The following OR8U3 variants were observed in gnomAD, a reference collection of about 807,000 sequenced individuals.
OR8U3 encodes olfactory receptor 8U3.
For synonymous variants in OR8U3, 170 were observed against 147.0 expected (o/e 1.16, Z -1.13); for missense variants, 429 against 388.6 (o/e 1.10, Z -0.88).
In OR8U3 at chr11:56,418,161, C is replaced by A. The variant is rs569866285; in HGVS notation, c.72G>T (p.Gln24His). ...CTAAAAACACCCCAAAGCACGGGGC[C>A]TGAAGCTCTGGCCGGTTGGTAATTC... is the stretch of plus-strand genomic sequence containing the variant. ...LKGITNRPEL[Q>H]APCFGVFLVI... Residue 24 changes from glutamine (Q) to histidine (H), a missense_variant, in exon 1 of 1, where the codon CAG (glutamine) becomes CAT (histidine). Coordinates refer to ENST00000623286, the MANE Select transcript of OR8U3 (RefSeq NM_001004744.1). 6.2e-7 allele frequency: 1 copy of A among 1,613,530 alleles called. No individual in the cohort carries two copies. Among genetic ancestry groups the A allele is most frequent in the Non-Finnish European group, 8.5e-7 (1 of 1,179,746 alleles).
chr11:56,418,178 T>A lies in OR8U3; in HGVS notation c.55A>T (p.Asn19Tyr). 1 of 1,612,014 alleles carries A rather than the reference T, an allele frequency of 6.2e-7. No homozygotes were observed. The highest frequency in any genetic ancestry group is 8.5e-7 in the Non-Finnish European group (1 of 1,179,050). Residue 19 changes from asparagine (N) to tyrosine (Y), a missense_variant, in exon 1 of 1, where the codon AAC becomes TAC. Transcript: ENST00000623286. The part of the protein sequence containing the change: ...VTVFILKGIT[N>Y]RPELQAPCFG... ...CACGGGGCCTGAAGCTCTGGCCGGT[T>A]GGTAATTCCTTTCAGAATGAATACA...
Position 56,417,906 on chromosome 11 carries a change from G to A in OR8U3, c.327C>T (p.Ile109=). 1 of 1,613,800 alleles carries A rather than the reference G, an allele frequency of 6.2e-7. No individual in the cohort carries two copies. The highest frequency in any genetic ancestry group is 8.5e-7 in the Non-Finnish European group (1 of 1,179,834). The part of the protein sequence containing the change: ...TQLGCFLTFM[I]TECFLLASMA... Reference sequence around the variant, plus strand: ...TGGAGGCTAGAAGGAAACACTCAGTGATCATGAAGGTGAGAAAACAACCCA... The same window carrying A: ...TGGAGGCTAGAAGGAAACACTCAGTAATCATGAAGGTGAGAAAACAACCCA... The change falls in exon 1 of 1, where the codon ATC becomes ATT. Residue 109 remains isoleucine (I), a synonymous_variant. Coordinates refer to ENST00000623286, the MANE Select transcript of OR8U3 (RefSeq NM_001004744.1).
Position 56,417,978 on chromosome 11 carries a change from A to G in OR8U3, c.255T>C (p.Phe85=). 6.2e-7 allele frequency: 1 copy of G among 1,613,876 alleles called. No homozygotes were observed. Among genetic ancestry groups the G allele is most frequent in the Non-Finnish European group, 8.5e-7 (1 of 1,179,892 alleles). ...SAITPKMMVN[F]VVERNTIPFH... ...AAGGAATGGTGTTGCGTTCCACAAC[A>G]AAATTCACCATCATCTTCGGTGTAA... Residue 85 remains phenylalanine, a synonymous_variant, in exon 1 of 1, where the codon TTT becomes TTC. Coordinates refer to ENST00000623286, the MANE Select transcript of OR8U3 (RefSeq NM_001004744.1).
Position 56,417,477 on chromosome 11 carries a change from A to G in OR8U3, c.756T>C (p.Tyr252=), listed in dbSNP as rs1590882162. 3.1e-6 allele frequency: 5 copies of G among 1,613,980 alleles called. No homozygotes were observed. The highest frequency in any genetic ancestry group is 2.2e-5 in the South Asian group (2 of 91,076). ...GSHMVTVTIF[Y]GTLIFMYLQP... ...GTAGGTACATAAAGATCAGTGTGCC[A>G]TAGAAAATAGTGACAGTCACCATAT... The change falls in exon 1 of 1, where the codon TAT becomes TAC. Residue 252 remains tyrosine (Y), a synonymous_variant. Transcript: ENST00000623286.
chr11:56,417,406 A>G lies in OR8U3; in HGVS notation c.827T>C (p.Val276Ala), dbSNP rs772070153. 4.3e-6 allele frequency: 7 copies of G among 1,613,574 alleles called. No homozygotes were observed. The highest frequency in any genetic ancestry group is 3.3e-5 in the Admixed American group (2 of 60,012). The change falls in exon 1 of 1, where the codon GTA becomes GCA. Residue 276 changes from valine (V) to alanine (A), a missense_variant. Val to Ala is a moderately conservative substitution (Grantham distance 64, BLOSUM62 0). Coordinates refer to ENST00000623286, the MANE Select transcript of OR8U3 (RefSeq NM_001004744.1). ...CATGGGGATCACCACTGTGTAAAATACAGAAGCCATCTTGTCTGTGTCCAA... is the reference window on the plus strand; with the variant it reads ...CATGGGGATCACCACTGTGTAAAATGCAGAAGCCATCTTGTCTGTGTCCAA... ...HSLDTDKMAS[V>A]FYTVVIPMLN...
chr11:56,418,115 G>C lies in OR8U3; in HGVS notation c.118C>G (p.Leu40Val), dbSNP rs1375331808. ...AAAGTAATCAACCCAAGATTGCCCA[G>C]CACTGTGACCAGATAGATAACTAAA... ...VFLVIYLVTV[L>V]GNLGLITLIK... The change falls in exon 1 of 1, where the codon CTG (leucine) becomes GTG (valine). Residue 40 changes from leucine to valine, a missense_variant. Leu to Val is a conservative substitution (Grantham distance 32). Coordinates refer to ENST00000623286, the MANE Select transcript of OR8U3 (RefSeq NM_001004744.1). The C allele has an allele frequency of 8.7e-6, 14 of 1,613,762 alleles. No homozygotes were observed. The highest frequency in any genetic ancestry group is 1.1e-5 in the Non-Finnish European group (13 of 1,179,898).
Position 56,418,033 on chromosome 11 carries a change from G to T in OR8U3, c.200C>A (p.Ala67Asp). 3 of 1,613,754 alleles carry T rather than the reference G, an allele frequency of 1.9e-6. No homozygotes were observed. Among genetic ancestry groups the T allele is most frequent in the Admixed American group, 1.7e-5 (1 of 59,928 alleles). Residue 67 changes from alanine (A) to aspartate (D), a missense_variant, in exon 1 of 1, where the codon GCC (alanine) becomes GAC (aspartate). Ala to Asp is a moderately radical substitution (Grantham distance 126, BLOSUM62 -2). Transcript: ENST00000623286. ...AGAGGAGTAACAAAGGTCAACAAAG[G>T]CCAGGTGGCTGAGGAAATAGTACAT... Reference protein sequence around the residue: ...TPMYYFLSHLAFVDLCYSSAI... With the variant: ...TPMYYFLSHLDFVDLCYSSAI...
chr11:56,417,387 G>A lies in OR8U3; in HGVS notation c.846C>T (p.Ile282=). The change falls in exon 1 of 1, where the codon ATC becomes ATT. Residue 282 remains isoleucine, a synonymous_variant. Transcript: ENST00000623286. ...KMASVFYTVV[I]PMLNPLIYSL... is the part of the protein sequence containing the mutation. ...TATAGATTAGGGGGTTTAACATGGG[G>A]ATCACCACTGTGTAAAATACAGAAG... is the stretch of plus-strand genomic sequence containing the variant. 6.2e-7 allele frequency: 1 copy of A among 1,613,074 alleles called. No homozygotes were observed. The highest frequency in any genetic ancestry group is 8.5e-7 in the Non-Finnish European group (1 of 1,179,148).
Position 56,417,790 on chromosome 11 carries a change from G to A in OR8U3, c.443C>T (p.Pro148Leu). Residue 148 changes from proline (P) to leucine (L), a missense_variant, in exon 1 of 1, where the codon CCA (proline) becomes CTA (leucine). Transcript: ENST00000623286. ...RRVCIQLVAVPYIYSFLVALF... is the reference protein window; with the variant it reads ...RRVCIQLVAVLYIYSFLVALF... ...GGCAACCAGGAAGCTGTATATATATGGAACTGCCACCAGTTGAATGCAGAC... is the reference window on the plus strand; with the variant it reads ...GGCAACCAGGAAGCTGTATATATATAGAACTGCCACCAGTTGAATGCAGAC... 1.2e-6 allele frequency: 2 copies of A among 1,613,876 alleles called. No homozygotes were observed. The highest frequency in any genetic ancestry group is 1.7e-6 in the Non-Finnish European group (2 of 1,179,874).
Position 56,417,612 on chromosome 11 carries a change from C to A in OR8U3, c.621G>T (p.Met207Ile), listed in dbSNP as rs376467735. ...TGAGGACAATGGAAGAGGAAGAGATCATATCAAAGCCAGCAAAGGCAAATA... is the reference window on the plus strand; with the variant it reads ...TGAGGACAATGGAAGAGGAAGAGATAATATCAAAGCCAGCAAAGGCAAATA... ...ILIFAFAGFD[M>I]ISSSSIVLTS... Residue 207 changes from methionine (M) to isoleucine (I), a missense_variant, in exon 1 of 1, where the codon ATG becomes ATT. Coordinates refer to ENST00000623286, the MANE Select transcript of OR8U3 (RefSeq NM_001004744.1). The A allele has an allele frequency of 1.4e-5, 22 of 1,613,820 alleles. No individual in the cohort carries two copies. The highest frequency in any genetic ancestry group is 1.9e-5 in the Non-Finnish European group (22 of 1,179,938).
rs1294786936 is a variant in OR8U3 at position 56,418,046 on chromosome 11, G to C, written c.187C>G (p.Leu63Val). Residue 63 changes from leucine to valine, a missense_variant, in exon 1 of 1, where the codon CTC (leucine) becomes GTC (valine). Leu to Val is a conservative substitution (Grantham distance 32). Transcript: ENST00000623286. ...AGGTCAACAAAGGCCAGGTGGCTGAGGAAATAGTACATAGGTGTGTGGAGT... is the reference window on the plus strand; with the variant it reads ...AGGTCAACAAAGGCCAGGTGGCTGACGAAATAGTACATAGGTGTGTGGAGT... The part of the protein sequence containing the change: ...TRLHTPMYYF[L>V]SHLAFVDLCY... 6 of 1,613,724 alleles carry C rather than the reference G, an allele frequency of 3.7e-6. No individual in the cohort carries two copies. The highest frequency in any genetic ancestry group is 4.2e-6 in the Non-Finnish European group (5 of 1,179,866).
Position 56,417,610 on chromosome 11 carries a change from A to T in OR8U3, c.623T>A (p.Ile208Asn), listed in dbSNP as rs1487377654. Residue 208 changes from isoleucine (I) to asparagine (N), a missense_variant, in exon 1 of 1, where the codon ATC (isoleucine) becomes AAC (asparagine). Physicochemically the swap from Ile to Asn is moderately radical, Grantham distance 149 (BLOSUM62 -3). Transcript: ENST00000623286. ...LIFAFAGFDM[I>N]SSSSIVLTSY... Reference sequence around the variant, plus strand: ...GGTGAGGACAATGGAAGAGGAAGAGATCATATCAAAGCCAGCAAAGGCAAA... The same window carrying T: ...GGTGAGGACAATGGAAGAGGAAGAGTTCATATCAAAGCCAGCAAAGGCAAA... 1.9e-6 allele frequency: 3 copies of T among 1,613,908 alleles called. No homozygotes were observed. The highest frequency in any genetic ancestry group is 2.5e-6 in the Non-Finnish European group (3 of 1,179,968).
rs778472262 is a variant in OR8U3 at position 56,417,914 on chromosome 11, A to G, written c.319T>C (p.Phe107Leu). 1 of 1,613,880 alleles carries G rather than the reference A, an allele frequency of 6.2e-7. No individual in the cohort carries two copies. Among genetic ancestry groups the G allele is most frequent in the South Asian group, 1.1e-5 (1 of 91,076 alleles). ...CATQLGCFLT[F>L]MITECFLLAS... ...AGAAGGAAACACTCAGTGATCATGA[A>G]GGTGAGAAAACAACCCAGTTGGGTT... is the stretch of plus-strand genomic sequence containing the variant. The change falls in exon 1 of 1, where the codon TTC becomes CTC. Residue 107 changes from phenylalanine (F) to leucine (L), a missense_variant. Physicochemically the swap from Phe to Leu is conservative, Grantham distance 22. Transcript: ENST00000623286.
chr11:56,417,660 G>T lies in OR8U3; in HGVS notation c.573C>A (p.Asp191Glu). Residue 191 changes from aspartate to glutamate, a missense_variant, in exon 1 of 1, where the codon GAC (aspartate) becomes GAA (glutamate). Coordinates refer to ENST00000623286, the MANE Select transcript of OR8U3 (RefSeq NM_001004744.1). ...ATATCAGAATTTCCTTCATGTGTGT[G>T]TCTGAGCAGGACAGAGCTAAGAAGG... ...DLPFLALSCSDTHMKEILIFA... is the reference protein window; with the variant it reads ...DLPFLALSCSETHMKEILIFA... 1 of 1,613,968 alleles carries T rather than the reference G, an allele frequency of 6.2e-7. No homozygotes were observed. The highest frequency in any genetic ancestry group is 8.5e-7 in the Non-Finnish European group (1 of 1,179,900).
rs548435046 is a variant in OR8U3 at position 56,418,160 on chromosome 11, C to T, written c.73G>A (p.Ala25Thr). The T allele has an allele frequency of 2.0e-5, 33 of 1,613,644 alleles. No individual in the cohort carries two copies. In the Admixed American group the frequency reaches 4.8e-4, roughly 24 times the overall value. Reference protein sequence around the residue: ...KGITNRPELQAPCFGVFLVIY... With the variant: ...KGITNRPELQTPCFGVFLVIY... ...ACTAAAAACACCCCAAAGCACGGGG[C>T]CTGAAGCTCTGGCCGGTTGGTAATT... The change falls in exon 1 of 1, where the codon GCC becomes ACC. Residue 25 changes from alanine (A) to threonine (T), a missense_variant. Transcript: ENST00000623286.
At position 56,417,700 on chromosome 11, in the gene OR8U3, T is replaced by C; in HGVS notation, c.533A>G (p.Tyr178Cys). ...AGCTAAGAAGGGGAGGTCATCACAA[T>C]AGAAATGGTTAATTAAGTTTGGGCC... ...YCGPNLINHFYCDDLPFLALS... is the reference protein window; with the variant it reads ...YCGPNLINHFCCDDLPFLALS... The change falls in exon 1 of 1, where the codon TAT (tyrosine) becomes TGT (cysteine). Residue 178 changes from tyrosine (Y) to cysteine (C), a missense_variant. Transcript: ENST00000623286. The C allele has an allele frequency of 6.2e-7, 1 of 1,613,794 alleles. No individual in the cohort carries two copies. The highest frequency in any genetic ancestry group is 1.1e-5 in the South Asian group (1 of 91,076).
In OR8U3 at chr11:56,418,047, G is replaced by T; in HGVS notation, c.186C>A (p.Phe62Leu). 6.2e-7 allele frequency: 1 copy of T among 1,613,786 alleles called. No individual in the cohort carries two copies. Among genetic ancestry groups the T allele is most frequent in the South Asian group, 1.1e-5 (1 of 91,072 alleles). ...DTRLHTPMYY[F>L]LSHLAFVDLC... ...GGTCAACAAAGGCCAGGTGGCTGAGGAAATAGTACATAGGTGTGTGGAGTC... is the reference window on the plus strand; with the variant it reads ...GGTCAACAAAGGCCAGGTGGCTGAGTAAATAGTACATAGGTGTGTGGAGTC... Residue 62 changes from phenylalanine to leucine, a missense_variant, in exon 1 of 1, where the codon TTC (phenylalanine) becomes TTA (leucine). Transcript: ENST00000623286.
rs748650099 is a variant in OR8U3 at position 56,417,752 on chromosome 11, C to T, written c.481G>A (p.Val161Ile). Residue 161 changes from valine (V) to isoleucine (I), a missense_variant, in exon 1 of 1, where the codon GTT becomes ATT. Transcript: ENST00000623286. ...CAGTAAGTCAGACGGAAAGTGATAA[C>T]GGTGTGGAAGAGGGCAACCAGGAAG... ...YSFLVALFHT[V>I]ITFRLTYCGP... 1.1e-4 allele frequency: 175 copies of T among 1,613,928 alleles called. No individual in the cohort carries two copies. In the Admixed American group the frequency reaches 1.3e-3, roughly 12 times the overall value.
chr11:56,417,293 T>C lies in OR8U3; in HGVS notation c.940A>G (p.Ile314Val), dbSNP rs936593512. Residue 314 changes from isoleucine to valine, a missense_variant, in exon 1 of 1, where the codon ATA becomes GTA. Ile to Val is a conservative substitution (Grantham distance 29). Coordinates refer to ENST00000623286, the MANE Select transcript of OR8U3 (RefSeq NM_001004744.1). The part of the protein sequence containing the change: ...ALDKGCENLQ[I>V]LTFLKIRKLY ...TTTCTTATTTTTAAAAATGTTAATA[T>C]CTGTAAGTTTTCACAACCTTTATCC... 3 of 1,459,364 alleles carry C rather than the reference T, an allele frequency of 2.1e-6. No homozygotes were observed. Among genetic ancestry groups the C allele is most frequent in the African/African-American group, 2.8e-5 (2 of 70,644 alleles). 90.4% of individuals were successfully genotyped at this position (1,459,364 alleles called of 1,614,324 possible). A position where few individuals can be genotyped will look rare whatever the true frequency, so the allele number is the denominator to read the frequency against.
Sources: gnomAD v4.1 joint callset for allele counts on GRCh38, gnomAD v4.1.1 for gene constraint, MANE v1.5 for transcripts, NCBI Gene and HGNC (gene_info 2026-07-23, HGNC 2026-07-21) for gene names.